The following KLC2 variants were observed in gnomAD, a reference collection of about 807,000 sequenced individuals.
The protein encoded by KLC2 is kinesin light chain 2.
Under a neutral mutation model 75.1 loss-of-function variants are expected in KLC2, and 35 were observed. That is an observed-to-expected ratio of 0.47 (90% CI 0.36 to 0.62). The LOEUF is 0.62. Ranked by LOEUF, KLC2 falls within the 20% of genes least tolerant of loss-of-function variation. The pLI, the probability that KLC2 is intolerant of heterozygous loss-of-function variation, is 0.00. For synonymous variants in KLC2, 314 were observed against 336.7 expected (o/e 0.93, Z 0.74); for missense variants, 611 against 833.2 (o/e 0.73, Z 3.28).
At position 66,261,776 on chromosome 11, in the gene KLC2, T is replaced by C. The variant is rs777021089; in HGVS notation, c.263T>C (p.Val88Ala). Reference sequence around the variant, plus strand: ...GCATTGTCGAGCCACCTGGGGGCTGTAGAATCAGAGAAGCAGAAGCTGCGG... The same window carrying C: ...GCATTGTCGAGCCACCTGGGGGCTGCAGAATCAGAGAAGCAGAAGCTGCGG... ...ILALSSHLGA[V>A]ESEKQKLRAQ... The change falls in exon 3 of 16, where the codon GTA (valine) becomes GCA (alanine). Residue 88 changes from valine (V) to alanine (A), a missense_variant. By Grantham distance (64) the Val-to-Ala change is moderately conservative. Transcript: ENST00000394067. The C allele has an allele frequency of 1.8e-5, 29 of 1,612,220 alleles. No individual in the cohort carries two copies. The highest frequency in any genetic ancestry group is 1.8e-4 in the South Asian group (16 of 90,988).
chr11:66,261,199 T>TA (rs1856390170), intron 2 of KLC2: 1 of 153,010 alleles, frequency 6.5e-6, no homozygotes, highest in Non-Finnish European at 1.5e-5. Flanking sequence ...GGCCTTTGGA[T>TA]ACTTTTCCTG....
Position 66,265,705 on chromosome 11 carries a change from A to G in KLC2, c.1385A>G (p.Gln462Arg), listed in dbSNP as rs1424764585. Reference sequence around the variant, plus strand: ...AGCTTGGGGGCCCTATACCGGCGCCAGGGCAAGCTGGAAGCCGCGCACACA... The same window carrying G: ...AGCTTGGGGGCCCTATACCGGCGCCGGGGCAAGCTGGAAGCCGCGCACACA... ...LRSLGALYRR[Q>R]GKLEAAHTLE... Residue 462 changes from glutamine to arginine, a missense_variant, in exon 12 of 16, where the codon CAG becomes CGG. Transcript: ENST00000394067. The G allele has an allele frequency of 7.4e-6, 12 of 1,613,774 alleles. No individual in the cohort carries two copies. Among genetic ancestry groups the G allele is most frequent in the Non-Finnish European group, 8.5e-6 (10 of 1,179,964 alleles).
chr11:66,250,882 A>G, the KLC2 span, among the ~76,000 whole-genome samples: 1 of 152,246 alleles, frequency 6.6e-6, no homozygotes, highest in South Asian at 2.1e-4. Context: ...CTAGGCCCTG[A>G]GGAACCTCGT....
At chr11:66,254,049 G>C (rs1407843748), upstream of KLC2, among the ~76,000 whole-genome samples, 1 of 151,718 alleles carries the variant, frequency 6.6e-6, no homozygotes, top group Non-Finnish European at 1.5e-5. Context: ...TCAGGAGTTT[G>C]AGACCAGCCT....
Position 66,261,748 on chromosome 11 carries a change from T to C in KLC2, c.235T>C (p.Leu79=). 6.2e-7 allele frequency: 1 copy of C among 1,610,320 alleles called. No homozygotes were observed. The highest frequency in any genetic ancestry group is 8.5e-7 in the Non-Finnish European group (1 of 1,178,398). ...ACCTGGGCTGGTTGCACAGGTGATC[T>C]TGGCATTGTCGAGCCACCTGGGGGC... is the stretch of plus-strand genomic sequence containing the variant. ...ELGLGEAQVI[L]ALSSHLGAVE... is the part of the protein sequence containing the mutation. Residue 79 remains leucine, a synonymous_variant, in exon 3 of 16, where the codon TTG becomes CTG. Transcript: ENST00000394067.
At chr11:66,262,281 C>T in intron 4 of KLC2, 89 bp downstream of exon 4, 1 of 1,018,746 alleles carries the variant, frequency 9.8e-7, no homozygotes, top group Non-Finnish European at 1.5e-6. Flanking sequence ...TTCCTTCCTG[C>T]CTCACTTCTG....
upstream of KLC2, among the ~76,000 whole-genome samples, chr11:66,252,470 A>G (rs1435839877): frequency 6.7e-5 from 6 of 89,204 alleles, no homozygotes; most frequent in South Asian, 1.3e-3. Context: ...TCACCATGTT[A>G]GCCAGGATGG....
the KLC2 span, among the ~76,000 whole-genome samples, chr11:66,251,296 A>C: frequency 2.1e-5 from 2 of 94,340 alleles, no homozygotes; most frequent in Non-Finnish European, 5.6e-5. Flanking sequence ...GTTTGAGACC[A>C]GTCTGGCCAA....
rs909723896 is a variant in KLC2, at chr11:66,267,513, G to T, written c.*557G>T. ...GCGGCGCCTCCCAAGGGGGTCCTGG[G>T]ACCTTCTCGCGCTCCTCCTGGCCTC... On this transcript the variant is annotated 3_prime_UTR_variant, in exon 16 of 16. Transcript: ENST00000394067. The T allele has an allele frequency of 1.3e-5, 9 of 677,078 alleles. No individual in the cohort carries two copies. The highest frequency in any genetic ancestry group is 2.2e-5 in the Non-Finnish European group (8 of 363,056). 41.9% of individuals were successfully genotyped at this position (677,078 alleles called of 1,614,324 possible). A position where few individuals can be genotyped will look rare whatever the true frequency, so the allele number is the denominator to read the frequency against.
chr11:66,258,969 G>T, intron 2 of KLC2, 147 bp downstream of exon 2: 1 of 632,702 alleles, frequency 1.6e-6, no homozygotes, highest in Non-Finnish European at 2.7e-6. Flanking sequence ...ACCTTTTGAA[G>T]AAATAAATGC....
intron 8 of KLC2, 37 bp from the exon 9 acceptor site, chr11:66,264,308 A>G (rs1295499647): frequency 1.3e-6 from 2 of 1,588,950 alleles, no homozygotes; most frequent in East Asian, 2.3e-5. Flanking sequence ...GCTTGGCTGC[A>G]TGCATCCCGC....
At chr11:66,258,857 C>T (rs1160112512) in intron 2 of KLC2, 35 bp downstream of exon 2, 3 of 1,443,768 alleles carry the variant, frequency 2.1e-6, no homozygotes, top group African/African-American at 2.8e-5. Flanking sequence ...TGGGAGGTCA[C>T]TGGAGGGATC....
chr11:66,261,869 A>T lies in KLC2; in HGVS notation c.356A>T (p.Lys119Met). Residue 119 changes from lysine (K) to methionine (M), a missense_variant, in exon 3 of 16, where the codon AAG (lysine) becomes ATG (methionine). Transcript: ENST00000394067. ...LREELAGTQQKLQRSEQAVAQ... is the reference protein window; with the variant it reads ...LREELAGTQQMLQRSEQAVAQ... The stretch of plus-strand genomic sequence containing the variant: ...GAGGAGCTGGCGGGGACACAGCAGA[A>T]GCTGCAGCGCAGTGAGCAGGCCGTG... The T allele has an allele frequency of 6.2e-7, 1 of 1,614,134 alleles. No homozygotes were observed. The highest frequency in any genetic ancestry group is 1.1e-5 in the South Asian group (1 of 91,080).
chr11:66,265,418 C>T, intron 11 of KLC2, 183 bp downstream of exon 11: 3 of 690,120 alleles, frequency 4.3e-6, no homozygotes, highest in Non-Finnish European at 7.3e-6. Flanking sequence ...CTGGGTCTCC[C>T]AGCTTTTGGT....
In KLC2 at chr11:66,262,848, G is replaced by C; in HGVS notation, c.564G>C (p.Gln188His). The C allele has an allele frequency of 6.2e-7, 1 of 1,613,404 alleles. No homozygotes were observed. Among genetic ancestry groups the C allele is most frequent in the Non-Finnish European group, 8.5e-7 (1 of 1,179,930 alleles). ...CAGGAGGAGGGGATGTGTCTGGTCA[G>C]CATGGGGGCTACGAGATCCCGGCCC... ...PSPGGGDVSG[Q>H]HGGYEIPARL... The change falls in exon 5 of 16, where the codon CAG becomes CAC. Residue 188 changes from glutamine to histidine, a missense_variant. Coordinates refer to ENST00000394067, the MANE Select transcript of KLC2 (RefSeq NM_001318734.2).
intron 2 of KLC2, 166 bp from the exon 3 acceptor site, chr11:66,261,576 G>A (rs1156748449): frequency 1.2e-5 from 7 of 595,388 alleles, no homozygotes; most frequent in African/African-American, 5.6e-5. Flanking sequence ...TGTGTCGGGG[G>A]CCTTGAGGAG....
At chr11:66,266,059 A>G in intron 13 of KLC2, 34 bp from the exon 14 acceptor site, 1 of 1,613,782 alleles carries the variant, frequency 6.2e-7, no homozygotes, top group Non-Finnish European at 8.5e-7. Context: ...CTAGGTGGCC[A>G]GCGGGGCCTA....
At chr11:66,247,835 A>C in the KLC2 span, among the ~76,000 whole-genome samples, 2 of 152,206 alleles carry the variant, frequency 1.3e-5, no homozygotes, top group African/African-American at 4.8e-5. Context: ...TGGGTTCCAA[A>C]TCCAGATGTG....
Position 66,266,027 on chromosome 11 carries a change from T to C in KLC2, c.1602+15T>C, listed in dbSNP as rs920209805. ...AGTGGAATGGGGTGAGTCCGGGGCC[T>C]GGGCCGGGTCGGGCTGGGAGCCTAG... On this transcript the variant is annotated intron_variant, in intron 13 of 15. Transcript: ENST00000394067. 1.5e-5 allele frequency: 25 copies of C among 1,613,098 alleles called. No individual in the cohort carries two copies. The African/African-American group carries it at 1.6e-4, about 10-fold the overall frequency.
Sources: gnomAD v4.1 joint callset for allele counts (sites outside exome capture counted in the v4.1 genomes callset) on GRCh38, gnomAD v4.1.1 for gene constraint, MANE v1.5 for transcripts, NCBI Gene and HGNC (gene_info 2026-07-23, HGNC 2026-07-21) for gene names.